Variants in BCAS3 observed in about 807,000 individuals in gnomAD.
The protein encoded by BCAS3 is BCAS3 microtubule associated cell migration factor.
Under a neutral mutation model 116.1 loss-of-function variants are expected in BCAS3, and 53 were observed. The observed-to-expected ratio is 0.46, with a 90% confidence interval of 0.37 to 0.57. BCAS3 has a LOEUF of 0.57. Ranked by LOEUF, BCAS3 falls within the 20% of genes least tolerant of loss-of-function variation. The pLI is 0.00. For synonymous variants in BCAS3, 391 were observed against 408.2 expected, an observed-to-expected ratio of 0.96 and a Z score of 0.51; for missense variants, 917 against 1,165.4, an observed-to-expected ratio of 0.79 and a Z score of 3.10.
chr17:61,116,164 C>T (rs1012559647), intron 22 of BCAS3, among the ~76,000 whole-genome samples: 2 of 151,600 alleles, frequency 1.3e-5, no homozygotes, highest in African/African-American at 4.8e-5. Flanking sequence ...GTGGGTGCAG[C>T]GCACCAGCAT....
chr17:61,368,252 G>A lies in BCAS3; in HGVS notation c.2426-75G>A, dbSNP rs1038498803. 21 of 1,461,834 alleles carry A rather than the reference G, an allele frequency of 1.4e-5. No homozygotes were observed. The highest frequency in any genetic ancestry group is 1.5e-5 in the Non-Finnish European group (16 of 1,078,428). 90.6% of individuals were successfully genotyped at this position (1,461,834 alleles called of 1,614,324 possible). A position where few individuals can be genotyped will look rare whatever the true frequency, so the allele number is the denominator to read the frequency against. Reference sequence around the variant, plus strand: ...ATGGACCCTGGGTATGGAGAGGAGCGGGTGGGAGGTAGACAAGAATGGCCT... The same window carrying A: ...ATGGACCCTGGGTATGGAGAGGAGCAGGTGGGAGGTAGACAAGAATGGCCT... On this transcript the variant is annotated intron_variant, in intron 22 of 23. Coordinates refer to ENST00000407086, the MANE Select transcript of BCAS3 (RefSeq NM_017679.5). The surrounding 1 kb of genome is among the most constrained non-coding windows in gnomAD (Gnocchi z 6.0).
chr17:60,798,061 A>T (rs990483303), intron 6 of BCAS3, among the ~76,000 whole-genome samples: 4 of 152,266 alleles, frequency 2.6e-5, no homozygotes, highest in Non-Finnish European at 5.9e-5. Flanking sequence ...AAACACACAG[A>T]GTTTCTGTAT....
In BCAS3 at chr17:61,181,205, G is replaced by A. The variant is rs2079461771; in HGVS notation, c.2425+96641G>A. On this transcript the variant is annotated intron_variant, in intron 22 of 23. Coordinates refer to ENST00000407086, the MANE Select transcript of BCAS3 (RefSeq NM_017679.5). The surrounding 1 kb of genome is among the most constrained non-coding windows in gnomAD (Gnocchi z 5.0). ...ACTGCACTCCATCCTGGGCAAAAGA[G>A]CAAACAAACAGTTTAATTAATTAAT... is the stretch of plus-strand genomic sequence containing the variant. Among the ~76,000 whole-genome samples the A allele has an allele frequency of 6.6e-6, 1 of 152,168 alleles. No individual in the cohort carries two copies. The highest frequency in any genetic ancestry group is 2.4e-5 in the African/African-American group (1 of 41,446).
intron 4 of BCAS3, among the ~76,000 whole-genome samples, chr17:60,707,366 G>A (rs888764618): frequency 7.9e-5 from 12 of 152,222 alleles, no homozygotes; most frequent in South Asian, 2.1e-4. Context: ...GGGCTCAAGC[G>A]GTATGCCCAC....
intron 15 of BCAS3, among the ~76,000 whole-genome samples, chr17:61,015,053 A>G (rs1269643135): frequency 6.6e-6 from 1 of 152,186 alleles, no homozygotes; most frequent in Non-Finnish European, 1.5e-5. Flanking sequence ...TTAAAATGGC[A>G]GTATTCCACA....
intron 4 of BCAS3, among the ~76,000 whole-genome samples, chr17:60,701,295 G>A (rs748803719): frequency 6.6e-6 from 1 of 152,074 alleles, no homozygotes; most frequent in African/African-American, 2.4e-5. Flanking sequence ...AAATCAAGTC[G>A]AGGAAGAGGA....
rs181724415 is a variant in BCAS3 at position 61,032,360 on chromosome 17, G to A, written c.1638-2306G>A. Among the ~76,000 whole-genome samples, 1 of 152,188 alleles carries A rather than the reference G, an allele frequency of 6.6e-6. No homozygotes were observed. Among genetic ancestry groups the A allele is most frequent in the East Asian group, 1.9e-4 (1 of 5,168 alleles). On this transcript the variant is annotated intron_variant, in intron 16 of 23. Coordinates refer to ENST00000407086, the MANE Select transcript of BCAS3 (RefSeq NM_017679.5). This position sits in a 1 kb window ranked among gnomAD's most constrained non-coding sequence, Gnocchi z 4.6. ...AGTAAAAGCACATAGTCGCACAATT[G>A]CAAACTGCTTTCAAAAAATTCTACA... is the stretch of plus-strand genomic sequence containing the variant.
In BCAS3 at chr17:61,234,819, C is replaced by T. The variant is rs574385812; in HGVS notation, c.2426-133508C>T. Among the ~76,000 whole-genome samples, 11 of 150,868 alleles carry T rather than the reference C, an allele frequency of 7.3e-5. No homozygotes were observed. In the East Asian group the frequency reaches 9.7e-4, roughly 13 times the overall value. ...AAAAAAAAAAATCATAGTACTGCTT[C>T]GCATTTTCTCTCAACTTCACATTTC... On this transcript the variant is annotated intron_variant, in intron 22 of 23. Transcript: ENST00000407086.
chr17:60,815,382 G>A (rs372860781), intron 7 of BCAS3, among the ~76,000 whole-genome samples: 62 of 151,892 alleles, frequency 4.1e-4, no homozygotes, highest in African/African-American at 1.4e-3. Context: ...AACATGGCGC[G>A]TGTATACGTA....
At position 60,910,763 on chromosome 17, in the gene BCAS3, G is replaced by T. The variant is rs1398175148; in HGVS notation, c.993+61G>T. ...CTTGCAAAGATGGGGCTAAGATCAA[G>T]ATTAGTCAAAATGTATTTGGCCTAG... On this transcript the variant is annotated intron_variant, in intron 12 of 23. Transcript: ENST00000407086. 2.8e-6 allele frequency: 4 copies of T among 1,420,088 alleles called. No homozygotes were observed. In the African/African-American group the frequency reaches 5.8e-5, roughly 21 times the overall value. 88.0% of individuals were successfully genotyped at this position (1,420,088 alleles called of 1,614,324 possible).
chr17:61,104,695 T>C lies in BCAS3; in HGVS notation c.2425+20131T>C, dbSNP rs981550643. On this transcript the variant is annotated intron_variant, in intron 22 of 23. Coordinates refer to ENST00000407086, the MANE Select transcript of BCAS3 (RefSeq NM_017679.5). This position sits in a 1 kb window ranked among gnomAD's most constrained non-coding sequence, Gnocchi z 4.1. Reference sequence around the variant, plus strand: ...TCAATTCTGCTTCATTAAAGGACTTTAGATGATCATCTTAAAGCTTTAAAG... The same window carrying C: ...TCAATTCTGCTTCATTAAAGGACTTCAGATGATCATCTTAAAGCTTTAAAG... Among the ~76,000 whole-genome samples the C allele has an allele frequency of 6.6e-6, 1 of 152,190 alleles. No individual in the cohort carries two copies. The highest frequency in any genetic ancestry group is 1.5e-5 in the Non-Finnish European group (1 of 68,042).
At chr17:60,759,262 A>G (rs1351645379) in intron 6 of BCAS3, among the ~76,000 whole-genome samples, 1 of 152,186 alleles carries the variant, frequency 6.6e-6, no homozygotes, top group Non-Finnish European at 1.5e-5. Flanking sequence ...AGAATGTTCT[A>G]TGTGTTGATA....
At position 61,356,986 on chromosome 17, in the gene BCAS3, G is replaced by T. The variant is rs1027008752; in HGVS notation, c.2426-11341G>T. 1.3e-5 allele frequency: 2 copies of T among 152,184 alleles called. No homozygotes were observed. Among genetic ancestry groups the T allele is most frequent in the Non-Finnish European group, 2.9e-5 (2 of 68,026 alleles). The allele number at this position is 152,184 out of a possible 1,614,324, so 9.4% of individuals were successfully genotyped here. On this transcript the variant is annotated intron_variant, in intron 22 of 23. Coordinates refer to ENST00000407086, the MANE Select transcript of BCAS3 (RefSeq NM_017679.5). This position sits in a 1 kb window ranked among gnomAD's most constrained non-coding sequence, Gnocchi z 5.4. ...CTTGACAGAGGAGGCATCGCAGCAA[G>T]GTCAGGTGCCTCCCGTGCTTCTTAT...
At chr17:60,705,512 C>CAAAAA (rs1033436210) in intron 4 of BCAS3, among the ~76,000 whole-genome samples, 29 of 61,232 alleles carry the variant, frequency 4.7e-4, no homozygotes, top group Non-Finnish European at 6.7e-4. Flanking sequence ...AGACTTGTCT[C>CAAAAA]AAAAAAAAAA....
chr17:61,111,750 T>A, intron 22 of BCAS3, among the ~76,000 whole-genome samples: 2 of 122,532 alleles, frequency 1.6e-5, no homozygotes, highest in Non-Finnish European at 3.4e-5. Flanking sequence ...ACAAAGATAC[T>A]CCTCGAGAAG....
At chr17:60,927,431 A>T (rs938041992) in intron 13 of BCAS3, among the ~76,000 whole-genome samples, 3 of 151,350 alleles carry the variant, frequency 2.0e-5, no homozygotes, top group African/African-American at 7.3e-5. Context: ...TTTTTTTTGT[A>T]TTTTTAGTAG....
intron 22 of BCAS3, among the ~76,000 whole-genome samples, chr17:61,155,442 C>G (rs1290695295): frequency 1.3e-5 from 2 of 149,258 alleles, no homozygotes; most frequent in African/African-American, 5.0e-5. Flanking sequence ...ATAATTCACA[C>G]TTAAATCTTG....
chr17:60,687,435 C>T (rs999867713), intron 3 of BCAS3, among the ~76,000 whole-genome samples: 2 of 152,114 alleles, frequency 1.3e-5, no homozygotes, highest in African/African-American at 2.4e-5. Flanking sequence ...GAAACCCCAT[C>T]TCTACAGAAA....
intron 7 of BCAS3, among the ~76,000 whole-genome samples, chr17:60,820,780 T>C (rs2049893714): frequency 6.6e-6 from 1 of 151,872 alleles, no homozygotes; most frequent in Non-Finnish European, 1.5e-5. Flanking sequence ...GACCAGGGAG[T>C]AACACTCTTT....
Sources: allele counts gnomAD v4.1 joint callset (sites outside exome capture counted in the v4.1 genomes callset), GRCh38; gene constraint gnomAD v4.1.1; non-coding constraint Gnocchi (gnomAD v3.1); transcripts MANE v1.5; gene names NCBI Gene and HGNC (gene_info 2026-07-23, HGNC 2026-07-21).